Variants in TAS1R1 observed in about 807,000 individuals in gnomAD.
TAS1R1 encodes the protein taste receptor type 1 member 1.
TAS1R1 carries 31 observed loss-of-function variants against 45.8 expected under a neutral mutation model. That is an observed-to-expected ratio of 0.68 (90% CI 0.51 to 0.91). The LOEUF (loss-of-function observed/expected upper bound fraction) is 0.91. Ranked by LOEUF, TAS1R1 falls within the 40% of genes least tolerant of loss-of-function variation. The pLI is 0.00. For missense variants in TAS1R1, 1,051 were observed against 1,063.9 expected, an observed-to-expected ratio of 0.99 and a Z score of 0.17; for synonymous variants, 437 against 448.4, an observed-to-expected ratio of 0.97 and a Z score of 0.32.
chr1:6,573,105 GT>G (rs1640062029), intron 2 of TAS1R1, among the ~76,000 whole-genome samples: 1 of 152,170 alleles, frequency 6.6e-6, no homozygotes, highest in Non-Finnish European at 1.5e-5. Flanking sequence ...CCTGATTTTA[GT>G]CTTAAATTTC....
At chr1:6,558,955 G>C (rs551824209) in intron 1 of TAS1R1, among the ~76,000 whole-genome samples, 2 of 115,138 alleles carry the variant, frequency 1.7e-5, no homozygotes, top group African/African-American at 6.5e-5. Context: ...GCAGTGGCGC[G>C]ATCTCGGCTC....
Position 6,576,571 on chromosome 1 carries a change from C to T in TAS1R1, c.1417C>T (p.Pro473Ser), listed in dbSNP as rs1180177725. Residue 473 changes from proline to serine, a missense_variant, in exon 4 of 6, where the codon CCA becomes TCA. Pro to Ser is a moderately conservative substitution (Grantham distance 74). Transcript: ENST00000333172. The part of the protein sequence containing the change: ...FTVLGSSTWS[P>S]VQLNINETKI... ...GGTCCTCGGTTCCTCCACATGGTCT[C>T]CAGTTCAGCTAAACATAAATGAGAC... The T allele has an allele frequency of 6.2e-7, 1 of 1,614,108 alleles. No individual in the cohort carries two copies. Among genetic ancestry groups the T allele is most frequent in the Non-Finnish European group, 8.5e-7 (1 of 1,180,050 alleles).
In TAS1R1 at chr1:6,578,639, G is replaced by A. The variant is rs1640258478; in HGVS notation, c.1595-14G>A. 2.0e-6 allele frequency: 3 copies of A among 1,538,086 alleles called. No individual in the cohort carries two copies. The highest frequency in any genetic ancestry group is 2.8e-5 in the African/African-American group (2 of 72,042). ...CATCTGGCTCTCAGGAACCTTCTTG[G>A]CCTTCCCTTTCAGACCTCTACAGAT... On this transcript the variant is annotated splice_polypyrimidine_tract_variant and intron_variant, in intron 5 of 5. Transcript: ENST00000333172.
At position 6,561,729 on chromosome 1, in the gene TAS1R1, A is replaced by AG. The variant is rs1401614111; in HGVS notation, c.191+6166dup. ...GTTTCCGTCTCAAAAAAAAAAAAAA[A>AG]GTCTATTTGGGATTGGAGAGTAAGG... On this transcript the variant is annotated intron_variant, in intron 1 of 5. Coordinates refer to ENST00000333172, the MANE Select transcript of TAS1R1 (RefSeq NM_138697.4). 1.9e-3 allele frequency among the ~76,000 whole-genome samples: 282 copies of AG among 150,926 alleles called. 1 individual carries two copies. The highest frequency in any genetic ancestry group is 3.1e-3 in the Non-Finnish European group (210 of 67,720).
intron 1 of TAS1R1, among the ~76,000 whole-genome samples, chr1:6,570,184 C>G (rs2148671950): frequency 6.6e-6 from 1 of 152,198 alleles, no homozygotes; most frequent in East Asian, 1.9e-4. Context: ...CTGGGCTGCT[C>G]CACAGCAATC....
chr1:6,570,022 GGGGAGAGAGAGA>G (rs1179563086), intron 1 of TAS1R1, among the ~76,000 whole-genome samples: 5 of 6,274 alleles, frequency 8.0e-4, no homozygotes, highest in Admixed American at 4.0e-3. Flanking sequence ...AGGGAGGGAG[GGGGAGAGAGAGA>G]GAGAGAGAGA....
intron 1 of TAS1R1, among the ~76,000 whole-genome samples, chr1:6,556,613 G>T (rs1170725535): frequency 6.6e-6 from 1 of 150,968 alleles, no homozygotes; most frequent in Non-Finnish European, 1.5e-5. Flanking sequence ...TGTTGGTCAG[G>T]CTGGTCTCGA....
chr1:6,568,941 A>G lies in TAS1R1; in HGVS notation c.192-1968A>G, dbSNP rs376276464. The stretch of plus-strand genomic sequence containing the variant: ...TGAGAAGGACCCGAGATGTTTTTCA[A>G]TTTGGTAGAGGTTGGAGAGGGAGAA... On this transcript the variant is annotated intron_variant, in intron 1 of 5. Coordinates refer to ENST00000333172, the MANE Select transcript of TAS1R1 (RefSeq NM_138697.4). Among the ~76,000 whole-genome samples, 37 of 150,830 alleles carry G rather than the reference A, an allele frequency of 2.5e-4. 1 individual carries two copies. In the South Asian group the frequency reaches 7.4e-3, roughly 30 times the overall value.
In TAS1R1 at chr1:6,565,404, G is replaced by A. The variant is rs555289572; in HGVS notation, c.192-5505G>A. ...TTCTAAGGCTAGGGTGGCCGCTGCT[G>A]CTAGAGCTCTGAGGCAAGTTGGCCA... On this transcript the variant is annotated intron_variant, in intron 1 of 5. Coordinates refer to ENST00000333172, the MANE Select transcript of TAS1R1 (RefSeq NM_138697.4). 3.3e-5 allele frequency among the ~76,000 whole-genome samples: 5 copies of A among 152,248 alleles called. No individual in the cohort carries two copies. In the East Asian group the frequency reaches 5.8e-4, roughly 18 times the overall value.
chr1:6,578,545 A>G lies in TAS1R1; in HGVS notation c.1595-108A>G, dbSNP rs1640253513. 20 of 1,498,708 alleles carry G rather than the reference A, an allele frequency of 1.3e-5. No homozygotes were observed. The East Asian group carries it at 4.2e-4, about 31-fold the overall frequency. The allele number at this position is 1,498,708 out of a possible 1,614,324, so 92.8% of individuals were successfully genotyped here. On this transcript the variant is annotated intron_variant, in intron 5 of 5. Transcript: ENST00000333172. ...CTACCCCCATCCCACTATGCCTAGT[A>G]TAGTCTAGCTGCCCTGGTACAATTC...
chr1:6,576,436 G>A lies in TAS1R1; in HGVS notation c.1282G>A (p.Val428Met), dbSNP rs1210386501. Residue 428 changes from valine to methionine, a missense_variant, in exon 4 of 6, where the codon GTG becomes ATG. Physicochemically the swap from Val to Met is conservative, Grantham distance 21. Transcript: ENST00000333172. ...PWQLLEQIHK[V>M]HFLLHKDTVA... ...TCAGCTTTTGGAGCAGATCCACAAG[G>A]TGCATTTCCTTCTACACAAGGACAC... is the stretch of plus-strand genomic sequence containing the variant. The A allele has an allele frequency of 6.2e-7, 1 of 1,614,226 alleles. No homozygotes were observed. Among genetic ancestry groups the A allele is most frequent in the Admixed American group, 1.7e-5 (1 of 60,026 alleles).
At chr1:6,555,663 C>T in intron 1 of TAS1R1, 99 bp downstream of exon 1, 5 of 1,164,592 alleles carry the variant, frequency 4.3e-6, no homozygotes, top group South Asian at 1.5e-5. Flanking sequence ...CTGCCTTTGC[C>T]CCTTGAACTG....
intron 1 of TAS1R1, among the ~76,000 whole-genome samples, chr1:6,569,381 C>T (rs984484406): frequency 5.9e-5 from 9 of 152,164 alleles, no homozygotes; most frequent in African/African-American, 2.2e-4. Flanking sequence ...CGGACCACTT[C>T]CCATTGCAGT....
intron 1 of TAS1R1, among the ~76,000 whole-genome samples, chr1:6,557,311 G>A (rs1460182052): frequency 6.6e-6 from 1 of 152,164 alleles, no homozygotes; most frequent in Admixed American, 6.6e-5. Context: ...TCTCAGGCAG[G>A]AGGCACGAAC....
At chr1:6,562,371 T>C (rs1639805073) in intron 1 of TAS1R1, among the ~76,000 whole-genome samples, 1 of 152,198 alleles carries the variant, frequency 6.6e-6, no homozygotes, top group Admixed American at 6.5e-5. Context: ...GGTTTCACCA[T>C]GTTAGCCAGG....
chr1:6,559,036 C>T (rs568168199), intron 1 of TAS1R1, among the ~76,000 whole-genome samples: 2 of 152,158 alleles, frequency 1.3e-5, no homozygotes, highest in African/African-American at 2.4e-5. Flanking sequence ...GGACTACAGG[C>T]GCCCGCCACC....
At chr1:6,559,753 G>A (rs1639749162) in intron 1 of TAS1R1, among the ~76,000 whole-genome samples, 1 of 151,288 alleles carries the variant, frequency 6.6e-6, no homozygotes, top group Non-Finnish European at 1.5e-5. Context: ...GGATCACCTG[G>A]GCCGAAGCGG....
At chr1:6,567,992 C>T (rs937768925) in intron 1 of TAS1R1, among the ~76,000 whole-genome samples, 2 of 152,014 alleles carry the variant, frequency 1.3e-5, no homozygotes, top group African/African-American at 4.8e-5. Context: ...GTATTTAGCG[C>T]GATCTCTTTA....
chr1:6,567,937 T>C (rs1447903589), intron 1 of TAS1R1, among the ~76,000 whole-genome samples: 1 of 152,170 alleles, frequency 6.6e-6, no homozygotes, highest in Non-Finnish European at 1.5e-5. Context: ...TTTTGTGCCC[T>C]TGTGTACTAT....
Sources: allele counts gnomAD v4.1 joint callset (sites outside exome capture counted in the v4.1 genomes callset), GRCh38; gene constraint gnomAD v4.1.1; transcripts MANE v1.5; gene names NCBI Gene and HGNC (gene_info 2026-07-23, HGNC 2026-07-21).